Variants in LOX observed in about 807,000 individuals in gnomAD.
LOX encodes the protein protein-lysine 6-oxidase.
LOX carries 12 observed loss-of-function variants against 50.5 expected under a neutral mutation model. The ratio of observed to expected loss-of-function variants is 0.24; its 90% CI spans 0.15 to 0.38. LOX has a LOEUF of 0.38. LOX is among the 10% of genes least tolerant of loss of function. The pLI is 1.00. For synonymous variants in LOX, 254 were observed against 230.6 expected, an observed-to-expected ratio of 1.10 and a Z score of -0.92; for missense variants, 504 against 563.8, an observed-to-expected ratio of 0.89 and a Z score of 1.07.
chr5:122,078,119 A>T lies in LOX; in HGVS notation c.-134T>A. The T allele has an allele frequency of 1.3e-6, 1 of 788,088 alleles. No homozygotes were observed. Among genetic ancestry groups the T allele is most frequent in the Non-Finnish European group, 1.8e-6 (1 of 552,400 alleles). The allele number at this position is 788,088 out of a possible 1,614,324, so 48.8% of individuals were successfully genotyped here. ...GCGGAGCACGGGTATCTCAGTCTCC[A>T]CCAAGCAATGCCAAGGGTGGGATTC... On this transcript the variant is annotated 5_prime_UTR_variant, in exon 1 of 7. Transcript: ENST00000231004.
Position 122,064,836 on chromosome 5 carries a change from A to G in LOX, c.*1907T>C, listed in dbSNP as rs1030978821. On this transcript the variant is annotated 3_prime_UTR_variant, in exon 7 of 7. Coordinates refer to ENST00000231004, the MANE Select transcript of LOX (RefSeq NM_002317.7). ...AATGATTGTAAATGTGTCTTCTCCTATGTATCCATGATGATATTGCCTAGT... is the reference window on the plus strand; with the variant it reads ...AATGATTGTAAATGTGTCTTCTCCTGTGTATCCATGATGATATTGCCTAGT... The G allele has an allele frequency of 6.6e-6, 1 of 152,028 alleles. No homozygotes were observed. The highest frequency in any genetic ancestry group is 1.5e-5 in the Non-Finnish European group (1 of 67,964). 9.4% of individuals were successfully genotyped at this position (152,028 alleles called of 1,614,324 possible). A position where few individuals can be genotyped will look rare whatever the true frequency, so the allele number is the denominator to read the frequency against.
rs754947607 is a variant in LOX at position 122,077,771 on chromosome 5, G to C, written c.215C>G (p.Pro72Arg). ...SQYQPQRRRDPGAAVPGAANA... is the reference protein window; with the variant it reads ...SQYQPQRRRDRGAAVPGAANA... Reference sequence around the variant, plus strand: ...GGCTGCACCAGGGACGGCGGCGCCCGGGTCCCGGCGGCGCTGAGGCTGGTA... The same window carrying C: ...GGCTGCACCAGGGACGGCGGCGCCCCGGTCCCGGCGGCGCTGAGGCTGGTA... Residue 72 changes from proline (P) to arginine (R), a missense_variant, in exon 1 of 7, where the codon CCG becomes CGG. By Grantham distance (103) the Pro-to-Arg change is moderately radical. Transcript: ENST00000231004. The surrounding 1 kb of genome is among the most constrained non-coding windows in gnomAD (Gnocchi z 4.9). 15 of 1,549,130 alleles carry C rather than the reference G, an allele frequency of 9.7e-6. No homozygotes were observed. In the East Asian group the frequency reaches 1.7e-4, roughly 17 times the overall value.
chr5:122,066,690 C>T lies in LOX; in HGVS notation c.*53G>A. 6 of 1,497,478 alleles carry T rather than the reference C, an allele frequency of 4.0e-6. No homozygotes were observed. The highest frequency in any genetic ancestry group is 2.3e-5 in the East Asian group (1 of 44,206). 92.8% of individuals were successfully genotyped at this position (1,497,478 alleles called of 1,614,324 possible). On this transcript the variant is annotated 3_prime_UTR_variant, in exon 7 of 7. Transcript: ENST00000231004. ...CCTACTGAAGTTAGTCTATTTTTTC[C>T]CACTTCAGAACACCAGGCACTGATT...
Position 122,077,088 on chromosome 5 carries a change from T to C in LOX, c.632-87A>G. ...CCTACCCCTCTAGGTCCCTTACTCC[T>C]CACCCTTCGCCCACCGGGACTGCAG... On this transcript the variant is annotated intron_variant, in intron 1 of 6. Coordinates refer to ENST00000231004, the MANE Select transcript of LOX (RefSeq NM_002317.7). This position sits in a 1 kb window ranked among gnomAD's most constrained non-coding sequence, Gnocchi z 4.9. 1 of 1,549,308 alleles carries C rather than the reference T, an allele frequency of 6.5e-7. No individual in the cohort carries two copies. Among genetic ancestry groups the C allele is most frequent in the Non-Finnish European group, 8.7e-7 (1 of 1,151,896 alleles).
At position 122,077,898 on chromosome 5, in the gene LOX, G is replaced by A; in HGVS notation, c.88C>T (p.Gln30Ter). 6.6e-7 allele frequency: 1 copy of A among 1,519,048 alleles called. No individual in the cohort carries two copies. Among genetic ancestry groups the A allele is most frequent in the South Asian group, 1.3e-5 (1 of 77,452 alleles). 94.1% of individuals were successfully genotyped at this position (1,519,048 alleles called of 1,614,324 possible). The part of the protein sequence containing the change: ...HCAPPAAGQQ[Q>*]PPREPPAAPG... The stretch of plus-strand genomic sequence containing the variant: ...GCCGCCGGCGGCTCGCGCGGGGGCT[G>A]CTGTTGGCCGGCGGCGGGAGGGGCG... The change falls in exon 1 of 7, where the codon CAG becomes TAG. Residue 30 changes from glutamine to a stop codon, truncating the protein, a stop_gained. Transcript: ENST00000231004. LOFTEE classifies it high-confidence loss of function. The surrounding 1 kb of genome is among the most constrained non-coding windows in gnomAD (Gnocchi z 4.9).
At chr5:122,071,229 T>C (rs1056906351) in intron 4 of LOX, among the ~76,000 whole-genome samples, 1 of 151,234 alleles carries the variant, frequency 6.6e-6, no homozygotes, top group South Asian at 2.1e-4. Context: ...GTATAAAAAT[T>C]CAATTTTCAC....
Position 122,076,376 on chromosome 5 carries a change from G to C in LOX, c.740+517C>G, listed in dbSNP as rs577308938. ...GTTACTATTTTATTTTAGAATAGTG[G>C]AAAAACAAAGCTCTTGCTCACGGTC... On this transcript the variant is annotated intron_variant, in intron 2 of 6. Transcript: ENST00000231004. 2.2e-4 allele frequency among the ~76,000 whole-genome samples: 34 copies of C among 152,272 alleles called. No individual in the cohort carries two copies. In the South Asian group the frequency reaches 6.2e-3, roughly 28 times the overall value.
intron 6 of LOX, 88 bp downstream of exon 6, chr5:122,069,962 TAGC>T: frequency 1.1e-6 from 1 of 907,696 alleles, no homozygotes; most frequent in Non-Finnish European, 1.9e-6. Context: ...GCTGCTGTAG[TAGC>T]AGAAACAGAT....
chr5:122,075,928 A>T (rs1476587369), intron 2 of LOX: 1 of 153,186 alleles, frequency 6.5e-6, no homozygotes, highest in African/African-American at 2.4e-5. Flanking sequence ...AAAATAATTC[A>T]TAGATGTTTA....
At chr5:122,074,314 G>A (rs1754550812) in intron 3 of LOX, 145 bp from the exon 4 acceptor site, 3 of 661,148 alleles carry the variant, frequency 4.5e-6, no homozygotes, top group East Asian at 5.5e-5. Context: ...AGAGATTCAT[G>A]CTAGGGTTTT....
Position 122,073,305 on chromosome 5 carries a change from T to C in LOX, c.1035+708A>G, listed in dbSNP as rs567386222. Among the ~76,000 whole-genome samples the C allele has an allele frequency of 4.2e-4, 64 of 152,330 alleles. 2 individuals are homozygous for C. In the South Asian group the frequency reaches 0.013, roughly 30 times the overall value. On this transcript the variant is annotated intron_variant, in intron 4 of 6. Transcript: ENST00000231004. ...CCAATGATAAAACATGCAAACTGCT[T>C]AGTTCAGCACTACTTTAAAAAAATC... is the stretch of plus-strand genomic sequence containing the variant.
rs966311122 is a variant in LOX at position 122,066,764 on chromosome 5, C to G, written c.1248-15G>C. On this transcript the variant is annotated splice_polypyrimidine_tract_variant and intron_variant, in intron 6 of 6. Transcript: ENST00000231004. ...CCTTCTAATACCTAGATTAAGAAGACAAAATAAGACAAATTATTAACCTGA... is the reference window on the plus strand; with the variant it reads ...CCTTCTAATACCTAGATTAAGAAGAGAAAATAAGACAAATTATTAACCTGA... 3.9e-6 allele frequency: 6 copies of G among 1,528,790 alleles called. No individual in the cohort carries two copies. The highest frequency in any genetic ancestry group is 5.4e-6 in the Non-Finnish European group (6 of 1,103,694). The allele number at this position is 1,528,790 out of a possible 1,614,324, so 94.7% of individuals were successfully genotyped here. A position where few individuals can be genotyped will look rare whatever the true frequency, so the allele number is the denominator to read the frequency against.
At chr5:122,068,685 C>T (rs969289475) in intron 6 of LOX, among the ~76,000 whole-genome samples, 2 of 152,044 alleles carry the variant, frequency 1.3e-5, no homozygotes, top group African/African-American at 4.8e-5. Context: ...CAAAGAAATT[C>T]ATAAGTAATT....
Position 122,077,883 on chromosome 5 carries a change from G to A in LOX, c.103C>T (p.Pro35Ser). ...CGCCAGGCGCCCGGAGCCGCCGGCG[G>A]CTCGCGCGGGGGCTGCTGTTGGCCG... ...AAGQQQPPRE[P>S]PAAPGAWRQQ... The change falls in exon 1 of 7, where the codon CCG becomes TCG. Residue 35 changes from proline to serine, a missense_variant. This residue lies in a region of LOX where 398 missense variants were observed against 365.8 expected (regional missense o/e 1.09). Coordinates refer to ENST00000231004, the MANE Select transcript of LOX (RefSeq NM_002317.7). The surrounding 1 kb of genome is among the most constrained non-coding windows in gnomAD (Gnocchi z 4.9). 1 of 1,536,020 alleles carries A rather than the reference G, an allele frequency of 6.5e-7. No individual in the cohort carries two copies. Among genetic ancestry groups the A allele is most frequent in the Non-Finnish European group, 8.7e-7 (1 of 1,147,058 alleles).
rs1275298519 is a variant in LOX at position 122,066,306 on chromosome 5, C to T, written c.*437G>A. 6.4e-6 allele frequency: 1 copy of T among 156,926 alleles called. No homozygotes were observed. The highest frequency in any genetic ancestry group is 2.4e-5 in the African/African-American group (1 of 41,508). The allele number at this position is 156,926 out of a possible 1,614,324, so 9.7% of individuals were successfully genotyped here. A position where few individuals can be genotyped will look rare whatever the true frequency, so the allele number is the denominator to read the frequency against. ...ACAGTAGGAGCATTGTTTCTAAATT[C>T]ATCTATGCTATGACATATATAAACC... On this transcript the variant is annotated 3_prime_UTR_variant, in exon 7 of 7. Coordinates refer to ENST00000231004, the MANE Select transcript of LOX (RefSeq NM_002317.7).
chr5:122,070,444 G>T, intron 5 of LOX, 50 bp downstream of exon 5: 1 of 953,696 alleles, frequency 1.0e-6, no homozygotes, highest in Non-Finnish European at 1.7e-6. Context: ...AGAGAAGAGG[G>T]CCTATTGATC....
chr5:122,067,110 C>T (rs2152585110), intron 6 of LOX, among the ~76,000 whole-genome samples: 1 of 152,212 alleles, frequency 6.6e-6, no homozygotes, highest in South Asian at 2.1e-4. Context: ...AAGGCCTCTG[C>T]TCCATCTTGA....
chr5:122,071,373 G>A (rs188774827), intron 4 of LOX, among the ~76,000 whole-genome samples: 1 of 152,088 alleles, frequency 6.6e-6, no homozygotes, highest in Non-Finnish European at 1.5e-5. Context: ...TCAAGGTCCA[G>A]AGTCCCTGTT....
intron 3 of LOX, 79 bp downstream of exon 3, chr5:122,075,325 A>C: frequency 7.6e-7 from 1 of 1,309,534 alleles, no homozygotes; most frequent in Non-Finnish European, 1.0e-6. Flanking sequence ...GTAAGAAATA[A>C]GACTTGCATT....
Sources: gnomAD v4.1 joint callset for allele counts (sites outside exome capture counted in the v4.1 genomes callset) on GRCh38, gnomAD v4.1.1 for gene constraint, gnomAD v4.1.1 regional missense constraint, Gnocchi (gnomAD v3.1) non-coding constraint, MANE v1.5 for transcripts, NCBI Gene and HGNC (gene_info 2026-07-23, HGNC 2026-07-21) for gene names.